Variants in ZNF618 observed in about 807,000 individuals in gnomAD.
ZNF618 encodes the protein zinc finger protein 618, also known as neural precursor cell expressed, developmentally down-regulated 10.
In ZNF618, 34 loss-of-function variants were observed where a neutral mutation model predicts 103.0. The ratio of observed to expected loss-of-function variants is 0.33; its 90% confidence interval spans 0.25 to 0.44. The LOEUF is 0.44. ZNF618 is among the 20% of genes least tolerant of loss of function. The pLI is 1.00. For missense variants in ZNF618, 1,059 were observed against 1,295.4 expected, an observed-to-expected ratio of 0.82 and a Z score of 2.80; for synonymous variants, 551 against 542.2, an observed-to-expected ratio of 1.02 and a Z score of -0.23.
chr9:113,879,774 C>T (rs1252578156), intron 1 of ZNF618, among the ~76,000 whole-genome samples: 2 of 149,562 alleles, frequency 1.3e-5, no homozygotes, highest in East Asian at 3.9e-4. Flanking sequence ...GCTTTTCTGC[C>T]TAAGGAGGTT....
chr9:113,937,091 C>G (rs1159837805), intron 1 of ZNF618, among the ~76,000 whole-genome samples: 1 of 152,158 alleles, frequency 6.6e-6, no homozygotes, highest in East Asian at 1.9e-4. Context: ...GAAACCATAA[C>G]TATCCCAAGA....
chr9:113,878,900 G>T (rs969876583), intron 1 of ZNF618, among the ~76,000 whole-genome samples: 3 of 151,992 alleles, frequency 2.0e-5, no homozygotes, highest in Admixed American at 1.3e-4. Context: ...CAATGGCAGA[G>T]GTTTGACATT....
chr9:113,971,556 G>A (rs983268453), intron 2 of ZNF618, among the ~76,000 whole-genome samples: 20 of 152,174 alleles, frequency 1.3e-4, no homozygotes, highest in Non-Finnish European at 5.9e-5. Flanking sequence ...GAAGTACTTC[G>A]TGAATGAAGA....
At chr9:113,923,897 C>G (rs1328169615) in intron 1 of ZNF618, among the ~76,000 whole-genome samples, 2 of 151,942 alleles carry the variant, frequency 1.3e-5, no homozygotes, top group Non-Finnish European at 2.9e-5. Context: ...TCCAAAAATC[C>G]AAAATTTGAA....
At chr9:113,939,002 A>AT (rs36050918) in intron 1 of ZNF618, among the ~76,000 whole-genome samples, 72,830 of 149,162 alleles carry the variant, frequency 0.49, 17,858 homozygotes, top group Non-Finnish European at 0.53. Context: ...ATTCTCTTGG[A>AT]TTTTTTTTTT....
chr9:113,956,060 A>G (rs1236077134), intron 1 of ZNF618, among the ~76,000 whole-genome samples: 3 of 151,868 alleles, frequency 2.0e-5, no homozygotes, highest in African/African-American at 7.3e-5. Context: ...ATACAAAAAA[A>G]TAGCTGGGAG....
chr9:113,988,483 C>T lies in ZNF618; in HGVS notation c.240C>T (p.Ala80=). The T allele has an allele frequency of 3.7e-6, 6 of 1,613,442 alleles. No homozygotes were observed. Among genetic ancestry groups the T allele is most frequent in the Non-Finnish European group, 5.1e-6 (6 of 1,179,876 alleles). Residue 80 remains alanine, a synonymous_variant, in exon 3 of 15, where the codon GCC becomes GCT. Transcript: ENST00000374126. The part of the protein sequence containing the change: ...YIQEVIWQGE[A]KEEKKAVSKD... ...AGGAGGTGATCTGGCAGGGCGAGGC[C>T]AAGGAGGAGAAGAAGGCGGTCAGCA...
chr9:113,998,047 G>A (rs935782746), intron 3 of ZNF618, among the ~76,000 whole-genome samples: 2 of 152,232 alleles, frequency 1.3e-5, no homozygotes, highest in Non-Finnish European at 2.9e-5. Context: ...TGAATTCAGG[G>A]AGCTGTTGAC....
At position 114,016,775 on chromosome 9, in the gene ZNF618, G is replaced by C; in HGVS notation, c.835G>C (p.Ala279Pro). The change falls in exon 10 of 15, where the codon GCC (alanine) becomes CCC (proline). Residue 279 changes from alanine (A) to proline (P), a missense_variant. Ala to Pro is a conservative substitution (Grantham distance 27). Around this residue, in one of 6 missense-constraint regions of ZNF618, gnomAD observed 434 missense variants for 476.0 expected, o/e 0.91. Transcript: ENST00000374126. ...CTACCAGGAGCATGTGGCCTTACACGCCCCCATCAGTGAGTACCTCCTCCC... is the reference window on the plus strand; with the variant it reads ...CTACCAGGAGCATGTGGCCTTACACCCCCCCATCAGTGAGTACCTCCTCCC... ...TPYQEHVALHAPISTAPGWEP... is the reference protein window; with the variant it reads ...TPYQEHVALHPPISTAPGWEP... The C allele has an allele frequency of 3.7e-6, 6 of 1,612,642 alleles. No homozygotes were observed. Among genetic ancestry groups the C allele is most frequent in the Non-Finnish European group, 5.1e-6 (6 of 1,179,250 alleles).
chr9:114,042,397 G>A (rs2134491045), intron 13 of ZNF618, among the ~76,000 whole-genome samples: 2 of 152,314 alleles, frequency 1.3e-5, no homozygotes, highest in East Asian at 3.9e-4. Context: ...CAGTGGCTGG[G>A]CTTGGTGGCT....
At chr9:113,955,589 G>A (rs1836206727) in intron 1 of ZNF618, among the ~76,000 whole-genome samples, 1 of 151,646 alleles carries the variant, frequency 6.6e-6, no homozygotes, top group Admixed American at 6.6e-5. Flanking sequence ...AGAGATTGTG[G>A]TTGGCTGACC....
chr9:114,049,142 G>A lies in ZNF618; in HGVS notation c.1840G>A (p.Val614Met), dbSNP rs1177502897. 4 of 1,613,772 alleles carry A rather than the reference G, an allele frequency of 2.5e-6. No individual in the cohort carries two copies. The highest frequency in any genetic ancestry group is 3.4e-6 in the Non-Finnish European group (4 of 1,179,914). The change falls in exon 15 of 15, where the codon GTG (valine) becomes ATG (methionine). Residue 614 changes from valine (V) to methionine (M), a missense_variant. This residue lies in a region of ZNF618 where 272 missense variants were observed against 380.1 expected (regional missense o/e 0.72). Transcript: ENST00000374126. Reference protein sequence around the residue: ...SEFVMSEIRTVYVTDCRVSTS... With the variant: ...SEFVMSEIRTMYVTDCRVSTS... The stretch of plus-strand genomic sequence containing the variant: ...GTTCGTGATGTCGGAGATCAGGACA[G>A]TGTACGTGACGGATTGCCGGGTGAG...
At chr9:113,952,050 G>T (rs776222633) in intron 1 of ZNF618, among the ~76,000 whole-genome samples, 3 of 152,086 alleles carry the variant, frequency 2.0e-5, no homozygotes, top group Admixed American at 6.5e-5. Flanking sequence ...TTATGTGGAC[G>T]GGGCGTTTCA....
chr9:113,877,576 A>G (rs773537295), intron 1 of ZNF618, among the ~76,000 whole-genome samples: 8 of 151,946 alleles, frequency 5.3e-5, no homozygotes, highest in Non-Finnish European at 7.4e-5. Context: ...AAATCCTAAG[A>G]TTCTAAAGAA....
chr9:113,892,177 T>C (rs1829670117), intron 1 of ZNF618, among the ~76,000 whole-genome samples: 2 of 152,160 alleles, frequency 1.3e-5, no homozygotes, highest in Admixed American at 6.5e-5. Context: ...TTAGTATCCG[T>C]GGGGGATTGG....
intron 3 of ZNF618, among the ~76,000 whole-genome samples, chr9:113,993,229 C>G (rs1294114738): frequency 6.6e-6 from 1 of 152,106 alleles, no homozygotes; most frequent in African/African-American, 2.4e-5. Context: ...TCCTGCCGTG[C>G]CAAGGGCCTC....
chr9:113,886,328 T>C (rs1829068165), intron 1 of ZNF618, among the ~76,000 whole-genome samples: 1 of 152,218 alleles, frequency 6.6e-6, no homozygotes, highest in Non-Finnish European at 1.5e-5. Context: ...ATTGGGGGAC[T>C]AAGGGTGGGA....
intron 11 of ZNF618, 114 bp from the exon 12 acceptor site, chr9:114,032,531 C>T (rs539221702): frequency 6.6e-6 from 6 of 914,588 alleles, no homozygotes; most frequent in South Asian, 5.8e-5. Flanking sequence ...GGAGCCCTCA[C>T]GAGAGCTAGT....
intron 3 of ZNF618, among the ~76,000 whole-genome samples, chr9:113,994,301 C>T (rs549633104): frequency 6.6e-5 from 10 of 152,318 alleles, no homozygotes; most frequent in Admixed American, 3.3e-4. Context: ...CCTGCTTCAT[C>T]GTGCCAGCTG....
Sources: gnomAD v4.1 joint callset for allele counts (sites outside exome capture counted in the v4.1 genomes callset) on GRCh38, gnomAD v4.1.1 for gene constraint, gnomAD v4.1.1 regional missense constraint, MANE v1.5 for transcripts, NCBI Gene and HGNC (gene_info 2026-07-23, HGNC 2026-07-21) for gene names.